Variants in PRR16 observed in about 807,000 individuals in gnomAD.
PRR16 encodes protein Largen.
A neutral mutation model predicts 18.2 loss-of-function variants in PRR16; 6 were observed. The ratio of observed to expected loss-of-function variants is 0.33; its 90% CI spans 0.18 to 0.65. The LOEUF (loss-of-function observed/expected upper bound fraction) is 0.65, where lower values mean the gene tolerates loss of function less well. PRR16 is among the 30% of genes least tolerant of loss of function. PRR16 has a pLI of 0.74. For missense variants in PRR16, 412 were observed against 376.6 expected (o/e 1.09, Z -0.78); for synonymous variants, 151 against 147.8 (o/e 1.02, Z -0.16).
intron 1 of PRR16, among the ~76,000 whole-genome samples, chr5:120,606,888 G>C (rs965543297): frequency 2.6e-4 from 39 of 149,206 alleles, no homozygotes; most frequent in African/African-American, 8.5e-4. Context: ...CTGGGAGACA[G>C]AGCAAGACCC....
At chr5:120,601,829 C>A (rs998563337) in intron 1 of PRR16, among the ~76,000 whole-genome samples, 2 of 151,900 alleles carry the variant, frequency 1.3e-5, no homozygotes, top group African/African-American at 4.8e-5. Context: ...GAGTTCATTC[C>A]TCATTGCTTG....
At chr5:120,615,384 CTTTTTTTTTT>C (rs10717083) in intron 1 of PRR16, among the ~76,000 whole-genome samples, 1 of 119,486 alleles carries the variant, frequency 8.4e-6, no homozygotes, top group Admixed American at 8.6e-5. Flanking sequence ...TCTTTCTTTT[CTTTTTTTTTT>C]TTTTTTTTGA....
chr5:120,618,593 C>T, intron 1 of PRR16: 1 of 909,506 alleles, frequency 1.1e-6, no homozygotes, highest in Non-Finnish European at 1.3e-6. Context: ...TATAGCAAAT[C>T]ACATAAAATG....
chr5:120,628,612 G>C (rs1435428039), intron 1 of PRR16, among the ~76,000 whole-genome samples: 2 of 151,834 alleles, frequency 1.3e-5, no homozygotes. Flanking sequence ...TTTATTTTTT[G>C]TATGAAATTT....
chr5:120,718,810 T>C, the PRR16 span, among the ~76,000 whole-genome samples: 286 of 152,184 alleles, frequency 1.9e-3, no homozygotes, highest in African/African-American at 6.5e-3. Flanking sequence ...ACAATTAAAC[T>C]AGATTCTGTC....
chr5:120,490,847 C>A (rs1475784000), intron 1 of PRR16, among the ~76,000 whole-genome samples: 2 of 152,124 alleles, frequency 1.3e-5, no homozygotes, highest in Non-Finnish European at 2.9e-5. Context: ...GATGTCCTTT[C>A]TGTTTGTTAG....
chr5:120,507,724 G>C (rs904312560), intron 1 of PRR16, among the ~76,000 whole-genome samples: 27 of 151,846 alleles, frequency 1.8e-4, no homozygotes, highest in Non-Finnish European at 3.4e-4. Context: ...TAAGGAAAAG[G>C]CACGCTAGTT....
chr5:120,687,379 C>T (rs978097409), downstream of PRR16: 7 of 152,110 alleles, frequency 4.6e-5, no homozygotes, highest in East Asian at 1.3e-3. Context: ...TCAATATGGG[C>T]AGCAAATCTG....
At chr5:120,519,586 A>T (rs1283879211) in intron 1 of PRR16, among the ~76,000 whole-genome samples, 1 of 152,160 alleles carries the variant, frequency 6.6e-6, no homozygotes, top group Admixed American at 6.5e-5. Flanking sequence ...ACATCATATG[A>T]TGTTAAAAGG....
chr5:120,652,698 G>A (rs1755832667), intron 1 of PRR16, among the ~76,000 whole-genome samples: 1 of 151,940 alleles, frequency 6.6e-6, no homozygotes, highest in Non-Finnish European at 1.5e-5. Flanking sequence ...GAAATTGAGA[G>A]AGCCTAAGGA....
chr5:120,585,765 A>C, intron 1 of PRR16, among the ~76,000 whole-genome samples: 1 of 152,080 alleles, frequency 6.6e-6, no homozygotes, highest in East Asian at 1.9e-4. Context: ...TTAGCATTTC[A>C]AGCTGAACGT....
the PRR16 span, among the ~76,000 whole-genome samples, chr5:120,729,200 A>T: frequency 6.6e-6 from 1 of 152,056 alleles, no homozygotes; most frequent in African/African-American, 2.4e-5. Flanking sequence ...TTAAGGAAGG[A>T]CTCAATATTT....
chr5:120,670,886 A>G (rs1156307586), intron 1 of PRR16, among the ~76,000 whole-genome samples: 1 of 152,154 alleles, frequency 6.6e-6, no homozygotes, highest in Non-Finnish European at 1.5e-5. Context: ...AGATTTGCTT[A>G]TGACAAGAAT....
In PRR16 at chr5:120,686,106, T is replaced by C. The variant is rs1172569808; in HGVS notation, c.312T>C (p.Ile104=). The C allele has an allele frequency of 1.9e-6, 3 of 1,614,070 alleles. No individual in the cohort carries two copies. The highest frequency in any genetic ancestry group is 2.2e-5 in the South Asian group (2 of 91,070). Residue 104 remains isoleucine (I), a synonymous_variant, in exon 2 of 2, where the codon ATT becomes ATC. Coordinates refer to ENST00000407149, the MANE Select transcript of PRR16 (RefSeq NM_001300783.2). ...KIKVQANAPL[I]KPPAHPSAIL... is the part of the protein sequence containing the mutation. The stretch of plus-strand genomic sequence containing the variant: ...AAGTGCAGGCTAATGCACCGCTTAT[T>C]AAACCCCCAGCACACCCGTCTGCTA...
intron 1 of PRR16, among the ~76,000 whole-genome samples, chr5:120,487,735 A>T (rs570652518): frequency 7.9e-5 from 12 of 152,266 alleles, no homozygotes; most frequent in Admixed American, 5.9e-4. Context: ...CAGTTTTCAA[A>T]GGGAATGCTT....
At chr5:120,631,776 G>A (rs1367197123) in intron 1 of PRR16, among the ~76,000 whole-genome samples, 2 of 152,058 alleles carry the variant, frequency 1.3e-5, no homozygotes, top group Non-Finnish European at 2.9e-5. Context: ...CGAAGACAAA[G>A]GTCATAATCT....
At chr5:120,610,159 A>G (rs1425509547) in intron 1 of PRR16, among the ~76,000 whole-genome samples, 1 of 152,102 alleles carries the variant, frequency 6.6e-6, no homozygotes, top group Non-Finnish European at 1.5e-5. Context: ...TGCTAGTGCC[A>G]GTTGAATAAA....
the PRR16 span, among the ~76,000 whole-genome samples, chr5:120,758,211 TGTTAC>T: frequency 6.6e-6 from 1 of 152,140 alleles, no homozygotes; most frequent in African/African-American, 2.4e-5. Flanking sequence ...TTATGAAATA[TGTTAC>T]GCAAATTTTT....
At chr5:120,589,002 T>A (rs912715527) in intron 1 of PRR16, among the ~76,000 whole-genome samples, 1 of 152,096 alleles carries the variant, frequency 6.6e-6, no homozygotes, top group African/African-American at 2.4e-5. Flanking sequence ...TGGATTAGAA[T>A]CTTGCCTCTA....
Sources: allele counts gnomAD v4.1 joint callset (sites outside exome capture counted in the v4.1 genomes callset), GRCh38; gene constraint gnomAD v4.1.1; transcripts MANE v1.5; gene names NCBI Gene and HGNC (gene_info 2026-07-23, HGNC 2026-07-21).